NKIRAS1: variants seen among roughly 807,000 people sequenced by gnomAD.
NKIRAS1 encodes the protein NFKB inhibitor interacting Ras like 1.
NKIRAS1 carries 16 observed loss-of-function variants against 19.8 expected under a neutral mutation model. That is an observed-to-expected ratio of 0.81 (90% CI 0.55 to 1.23). The LOEUF (loss-of-function observed/expected upper bound fraction) is 1.23. Among genes scored for constraint, NKIRAS1 ranks in the 50% most tolerant of loss-of-function variants. The pLI is 0.00. For missense variants in NKIRAS1, 184 were observed against 220.0 expected (o/e 0.84, Z 1.04); for synonymous variants, 88 against 79.0 (o/e 1.11, Z -0.61).
At chr3:23,906,158 C>CAAAAAAA (rs377092022) in intron 3 of NKIRAS1, among the ~76,000 whole-genome samples, 1 of 98,834 alleles carries the variant, frequency 1.0e-5, no homozygotes, top group African/African-American at 4.0e-5. Flanking sequence ...GACTCCGTCT[C>CAAAAAAA]AAAAAAAAAA....
rs1411450084 is a variant in NKIRAS1, at chr3:23,890,537, T to G, written c.*2558A>C. The stretch of plus-strand genomic sequence containing the variant: ...ACCCCTTGGTGGGAAGTATTGCCAC[T>G]CAGTATATGACCAACAGAGCAGAAC... On this transcript the variant is annotated 3_prime_UTR_variant, in exon 5 of 5. Coordinates refer to ENST00000425478, the MANE Select transcript of NKIRAS1 (RefSeq NM_020345.4). 1 of 1,613,184 alleles carries G rather than the reference T, an allele frequency of 6.2e-7. No individual in the cohort carries two copies. Among genetic ancestry groups the G allele is most frequent in the Non-Finnish European group, 8.5e-7 (1 of 1,179,614 alleles).
intron 1 of NKIRAS1, chr3:23,916,408 G>A (rs540427996): frequency 2.8e-4 from 43 of 152,324 alleles, no homozygotes; most frequent in Admixed American, 5.2e-4. Flanking sequence ...TAAACATTCT[G>A]CTCTTCTGAA....
chr3:23,915,767 T>A (rs913599880), intron 1 of NKIRAS1, among the ~76,000 whole-genome samples: 5 of 152,182 alleles, frequency 3.3e-5, no homozygotes, highest in African/African-American at 1.2e-4. Flanking sequence ...TCTGCCTGAA[T>A]CAGACCCCTA....
chr3:23,919,721 G>T (rs1462527827), upstream of NKIRAS1: 48 of 1,362,282 alleles, frequency 3.5e-5, no homozygotes. Flanking sequence ...TCTTATTAGG[G>T]AGTTGTATGT....
At chr3:23,919,316 A>G, upstream of NKIRAS1, 2 of 1,604,772 alleles carry the variant, frequency 1.2e-6, no homozygotes, top group Non-Finnish European at 1.7e-6. Flanking sequence ...AGCTATCAGA[A>G]GAAATCCTGA....
chr3:23,905,674 C>CGGA, intron 3 of NKIRAS1, among the ~76,000 whole-genome samples: 1 of 152,034 alleles, frequency 6.6e-6, no homozygotes, highest in Admixed American at 6.6e-5. Context: ...TATCTCAATT[C>CGGA]GGAAGCCCCA....
intron 3 of NKIRAS1, among the ~76,000 whole-genome samples, chr3:23,909,697 T>A (rs553527497): frequency 6.6e-6 from 1 of 152,350 alleles, no homozygotes; most frequent in East Asian, 1.9e-4. Flanking sequence ...AAGGCCTGAT[T>A]ACACGTATCA....
chr3:23,917,800 C>T (rs1369864568), upstream of NKIRAS1: 3 of 1,521,206 alleles, frequency 2.0e-6, no homozygotes, highest in Non-Finnish European at 2.7e-6. Context: ...ATACAGTCGT[C>T]TTATTGTACT....
At chr3:23,915,303 G>A (rs796506677) in intron 1 of NKIRAS1, among the ~76,000 whole-genome samples, 1 of 152,098 alleles carries the variant, frequency 6.6e-6, no homozygotes, top group African/African-American at 2.4e-5. Flanking sequence ...TCATAAGGTG[G>A]AAAAGCCAAG....
At chr3:23,907,948 C>A (rs1244961266) in intron 3 of NKIRAS1, among the ~76,000 whole-genome samples, 2 of 152,110 alleles carry the variant, frequency 1.3e-5, no homozygotes, top group African/African-American at 4.8e-5. Flanking sequence ...TATGTATTTA[C>A]AATATTTGAC....
chr3:23,894,984 T>C (rs1057274857), intron 4 of NKIRAS1, among the ~76,000 whole-genome samples: 1 of 152,220 alleles, frequency 6.6e-6, no homozygotes, highest in African/African-American at 2.4e-5. Flanking sequence ...ACTTCTCCAA[T>C]GGTCTCATCA....
intron 4 of NKIRAS1, among the ~76,000 whole-genome samples, chr3:23,894,465 C>CT (rs1371221773): frequency 3.9e-5 from 6 of 152,172 alleles, no homozygotes; most frequent in Non-Finnish European, 8.8e-5. Flanking sequence ...ATCACATACT[C>CT]TATCTCATCT....
At position 23,892,024 on chromosome 3, in the gene NKIRAS1, G is replaced by A. The variant is rs189679457; in HGVS notation, c.*1071C>T. ...TTGTAAGTATCGTCTTTTATATGTA[G>A]TAGTTCTTCACTAGAGCTCATGAAA... On this transcript the variant is annotated 3_prime_UTR_variant, in exon 5 of 5. Coordinates refer to ENST00000425478, the MANE Select transcript of NKIRAS1 (RefSeq NM_020345.4). 52 of 152,268 alleles carry A rather than the reference G, an allele frequency of 3.4e-4. No homozygotes were observed. Among genetic ancestry groups the A allele is most frequent in the African/African-American group, 1.2e-3 (51 of 41,562 alleles). The allele number at this position is 152,268 out of a possible 1,614,324, so 9.4% of individuals were successfully genotyped here.
Position 23,893,350 on chromosome 3 carries a change from G to C in NKIRAS1, c.337-13C>G. On this transcript the variant is annotated splice_polypyrimidine_tract_variant and intron_variant, in intron 4 of 4. Coordinates refer to ENST00000425478, the MANE Select transcript of NKIRAS1 (RefSeq NM_020345.4). The stretch of plus-strand genomic sequence containing the variant: ...CCACAATTGCTACCTGAAAGAAAAC[G>C]GATTGAAAAGATCATACTAGTACTT... 6.2e-7 allele frequency: 1 copy of C among 1,610,464 alleles called. No homozygotes were observed. Among genetic ancestry groups the C allele is most frequent in the East Asian group, 2.2e-5 (1 of 44,834 alleles).
rs1049744232 is a variant in NKIRAS1, at chr3:23,916,929, T to C, written c.-285A>G. On this transcript the variant is annotated 5_prime_UTR_variant, in exon 1 of 5. Coordinates refer to ENST00000425478, the MANE Select transcript of NKIRAS1 (RefSeq NM_020345.4). ...CGCCGAGACCTCGCCGCCAACTCTC[T>C]CACCTCTCGAGACGCCCAGGCCGCT... 1.3e-5 allele frequency: 2 copies of C among 152,650 alleles called. No individual in the cohort carries two copies. The highest frequency in any genetic ancestry group is 2.4e-5 in the African/African-American group (1 of 41,450). 9.5% of individuals were successfully genotyped at this position (152,650 alleles called of 1,614,324 possible).
upstream of NKIRAS1, chr3:23,918,190 C>T (rs1282242115): frequency 5.5e-5 from 56 of 1,019,932 alleles, no homozygotes; most frequent in Admixed American, 2.9e-4. Flanking sequence ...GCACTGTTGT[C>T]TAAAGTGGCA....
intron 3 of NKIRAS1, among the ~76,000 whole-genome samples, chr3:23,902,622 CAAA>C (rs1357863959): frequency 2.0e-5 from 3 of 152,136 alleles, no homozygotes; most frequent in African/African-American, 7.2e-5. Flanking sequence ...CCTGCCTCTC[CAAA>C]AGGGGGTCTA....
At chr3:23,946,394 G>T in exon 1 of NKIRAS1, 1 of 718,622 alleles carries the variant, frequency 1.4e-6, no homozygotes, top group African/African-American at 1.9e-5. Context: ...CGGGGAAGGC[G>T]TGGGGCTTTC....
At chr3:23,904,304 A>G (rs934645580) in intron 3 of NKIRAS1, among the ~76,000 whole-genome samples, 3 of 152,168 alleles carry the variant, frequency 2.0e-5, no homozygotes, top group Non-Finnish European at 4.4e-5. Flanking sequence ...GGAGGCTGGG[A>G]AGTCCAAGAT....
Sources: gnomAD v4.1 joint callset for allele counts (sites outside exome capture counted in the v4.1 genomes callset) on GRCh38, gnomAD v4.1.1 for gene constraint, MANE v1.5 for transcripts, NCBI Gene and HGNC (gene_info 2026-07-23, HGNC 2026-07-21) for gene names.